Variants in SLC22A3 observed in about 807,000 individuals in gnomAD.
SLC22A3 encodes the protein solute carrier family 22 member 3, also known as EMT organic cation transporter 3.
A neutral mutation model predicts 59.1 loss-of-function variants in SLC22A3; 51 were observed. That is an observed-to-expected ratio of 0.86 (90% confidence interval 0.69 to 1.09). The LOEUF (loss-of-function observed/expected upper bound fraction) is 1.09, where lower values mean the gene tolerates loss of function less well. Ranked by LOEUF, SLC22A3 falls within the 50% of genes least tolerant of loss-of-function variation. The probability of loss-of-function intolerance (pLI) is 0.00; values close to 1 mark genes in which losing one functional copy is unlikely to be tolerated. For missense variants in SLC22A3, 711 were observed against 726.3 expected (o/e 0.98, Z 0.24); for synonymous variants, 325 against 292.0 (o/e 1.11, Z -1.15).
In SLC22A3 at chr6:160,429,599, G is replaced by A. The variant is rs370081835; in HGVS notation, c.976-7181G>A. On this transcript the variant is annotated intron_variant, in intron 5 of 10. Transcript: ENST00000275300. The stretch of plus-strand genomic sequence containing the variant: ...GTGCTTCTCATGCTAGTCTCCTGGG[G>A]ATGCAGTTAAAATGCAGATTCTCTC... Among the ~76,000 whole-genome samples the A allele has an allele frequency of 1.3e-5, 2 of 152,182 alleles. 1 individual carries two copies. Among genetic ancestry groups the A allele is most frequent in the African/African-American group, 4.8e-5 (2 of 41,438 alleles).
intron 1 of SLC22A3, among the ~76,000 whole-genome samples, chr6:160,351,013 A>G (rs1303200773): frequency 6.6e-6 from 1 of 152,216 alleles, no homozygotes; most frequent in Non-Finnish European, 1.5e-5. Flanking sequence ...GCCCAGAACA[A>G]TGATTAAAAA....
At chr6:160,439,854 C>T (rs1788483308) in intron 7 of SLC22A3, among the ~76,000 whole-genome samples, 2 of 152,180 alleles carry the variant, frequency 1.3e-5, no homozygotes, top group Non-Finnish European at 2.9e-5. Flanking sequence ...ACGATCCTCC[C>T]TTGAGTCCTT....
In SLC22A3 at chr6:160,436,820, T is replaced by C. The variant is rs140119618; in HGVS notation, c.1016T>C (p.Leu339Ser). ...GAGGAAGTTAGTAATCCATCCTTTT[T>C]AGATCTGGTGAGAACTCCCCAAATG... The part of the protein sequence containing the change: ...TDEEVSNPSF[L>S]DLVRTPQMRK... The change falls in exon 6 of 11, where the codon TTA becomes TCA. Residue 339 changes from leucine to serine, a missense_variant. Transcript: ENST00000275300. 20 of 1,613,794 alleles carry C rather than the reference T, an allele frequency of 1.2e-5. No homozygotes were observed. The highest frequency in any genetic ancestry group is 1.7e-5 in the Admixed American group (1 of 60,004).
intron 5 of SLC22A3, among the ~76,000 whole-genome samples, chr6:160,418,971 A>C (rs1787619570): frequency 6.6e-6 from 1 of 152,252 alleles, no homozygotes; most frequent in African/African-American, 2.4e-5. Flanking sequence ...ATTAGATGTT[A>C]TATCAATAAT....
intron 1 of SLC22A3, among the ~76,000 whole-genome samples, chr6:160,376,434 C>A (rs952480201): frequency 6.6e-5 from 10 of 152,136 alleles, no homozygotes; most frequent in African/African-American, 2.4e-4. Context: ...AAATATAGAT[C>A]ATGGGTTGAT....
chr6:160,413,800 T>C (rs1787355933), intron 5 of SLC22A3, among the ~76,000 whole-genome samples: 1 of 152,186 alleles, frequency 6.6e-6, no homozygotes, highest in Non-Finnish European at 1.5e-5. Flanking sequence ...TAACCATGAT[T>C]CCTTAATATC....
chr6:160,433,649 G>A lies in SLC22A3; in HGVS notation c.976-3131G>A, dbSNP rs552130006. On this transcript the variant is annotated intron_variant, in intron 5 of 10. Transcript: ENST00000275300. ...CTTGAGTCGGGAGGTTGAGGCTGTAGTGAGTCATGATTACACCACTACACT... is the reference window on the plus strand; with the variant it reads ...CTTGAGTCGGGAGGTTGAGGCTGTAATGAGTCATGATTACACCACTACACT... 1.2e-4 allele frequency among the ~76,000 whole-genome samples: 18 copies of A among 152,266 alleles called. 1 individual carries two copies. The highest frequency in any genetic ancestry group is 4.3e-4 in the African/African-American group (18 of 41,550).
intron 10 of SLC22A3, among the ~76,000 whole-genome samples, chr6:160,449,513 C>T (rs1465821604): frequency 6.6e-6 from 1 of 152,168 alleles, no homozygotes; most frequent in Non-Finnish European, 1.5e-5. Flanking sequence ...ATTTACTCTA[C>T]AAAAATTACT....
chr6:160,371,452 G>A (rs533929300), intron 1 of SLC22A3, among the ~76,000 whole-genome samples: 8 of 152,128 alleles, frequency 5.3e-5, no homozygotes, highest in Non-Finnish European at 1.2e-4. Flanking sequence ...CTGTTCCCAT[G>A]TTAGTTTGCT....
intron 1 of SLC22A3, among the ~76,000 whole-genome samples, chr6:160,356,271 G>T (rs369388124): frequency 6.6e-6 from 1 of 152,148 alleles, no homozygotes; most frequent in African/African-American, 2.4e-5. Context: ...GGCCATGGCC[G>T]CCCGCAGACC....
intron 1 of SLC22A3, among the ~76,000 whole-genome samples, chr6:160,351,794 A>G (rs1209778671): frequency 1.3e-5 from 2 of 152,184 alleles, no homozygotes; most frequent in South Asian, 4.1e-4. Context: ...TGGGAGGGGT[A>G]TCATTGTCCT....
intron 5 of SLC22A3, among the ~76,000 whole-genome samples, chr6:160,427,779 G>T (rs1316934024): frequency 6.6e-6 from 1 of 152,188 alleles, no homozygotes; most frequent in Non-Finnish European, 1.5e-5. Context: ...TGGCTGACCA[G>T]TGTCTCATAG....
At position 160,368,142 on chromosome 6, in the gene SLC22A3, C is replaced by T. The variant is rs974758605; in HGVS notation, c.429+19294C>T. On this transcript the variant is annotated intron_variant, in intron 1 of 10. Transcript: ENST00000275300. ...CTCTGCCAACTTCCAACCTGCCCCT[C>T]CCCACTCATACCCTCTCCCCCTACT... 5.3e-5 allele frequency among the ~76,000 whole-genome samples: 8 copies of T among 152,092 alleles called. No individual in the cohort carries two copies. The East Asian group carries it at 7.7e-4, about 15-fold the overall frequency.
intron 5 of SLC22A3, among the ~76,000 whole-genome samples, chr6:160,424,763 G>T (rs1033253756): frequency 3.3e-5 from 5 of 152,114 alleles, no homozygotes; most frequent in African/African-American, 1.2e-4. Context: ...GCCTTTTCTG[G>T]CTTACATTTC....
chr6:160,393,126 C>T (rs1251558122), intron 1 of SLC22A3, among the ~76,000 whole-genome samples: 4 of 151,876 alleles, frequency 2.6e-5, no homozygotes, highest in South Asian at 4.1e-4. Context: ...ACTGTGATAT[C>T]GTCTAATCTT....
At chr6:160,358,676 T>C (rs1784920085) in intron 1 of SLC22A3, among the ~76,000 whole-genome samples, 1 of 152,216 alleles carries the variant, frequency 6.6e-6, no homozygotes, top group African/African-American at 2.4e-5. Context: ...ATGAGAAACA[T>C]GCAGGAACCG....
Position 160,391,109 on chromosome 6 carries a change from C to A in SLC22A3, c.430-6870C>A, listed in dbSNP as rs905882603. 2.6e-5 allele frequency among the ~76,000 whole-genome samples: 4 copies of A among 152,188 alleles called. No homozygotes were observed. The East Asian group carries it at 7.7e-4, about 29-fold the overall frequency. ...CCGCTCTGATACAGCATGATTTCATCTTAACTCATTACATCTACAAAGACC... is the reference window on the plus strand; with the variant it reads ...CCGCTCTGATACAGCATGATTTCATATTAACTCATTACATCTACAAAGACC... On this transcript the variant is annotated intron_variant, in intron 1 of 10. Transcript: ENST00000275300.
chr6:160,389,741 T>A (rs779856026), intron 1 of SLC22A3, among the ~76,000 whole-genome samples: 4 of 152,190 alleles, frequency 2.6e-5, no homozygotes, highest in Non-Finnish European at 5.9e-5. Flanking sequence ...CTCTTCTCTC[T>A]TAGTGGAAGG....
intron 9 of SLC22A3, among the ~76,000 whole-genome samples, chr6:160,445,676 T>C (rs998397203): frequency 2.0e-5 from 3 of 152,124 alleles, no homozygotes; most frequent in African/African-American, 7.2e-5. Context: ...GGTGGACAGA[T>C]TGAGTAAACA....
Sources: gnomAD v4.1 joint callset for allele counts (sites outside exome capture counted in the v4.1 genomes callset) on GRCh38, gnomAD v4.1.1 for gene constraint, MANE v1.5 for transcripts, NCBI Gene and HGNC (gene_info 2026-07-23, HGNC 2026-07-21) for gene names.